Variants in HERC2 observed in about 807,000 individuals in gnomAD.
HERC2 encodes HECT and RLD domain containing E3 ubiquitin protein ligase 2, also known as E3 ubiquitin-protein ligase HERC2.
A neutral mutation model predicts 537.7 loss-of-function variants in HERC2; 102 were observed. That is an observed-to-expected ratio of 0.19 (90% CI 0.16 to 0.22). The LOEUF (loss-of-function observed/expected upper bound fraction) is 0.22, where lower values mean the gene tolerates loss of function less well. Among genes scored for constraint, HERC2 ranks in the 10% least tolerant of loss-of-function variants. The pLI, the probability that HERC2 is intolerant of heterozygous loss-of-function variation, is 1.00. For synonymous variants in HERC2, 2,224 were observed against 2,466.2 expected, an observed-to-expected ratio of 0.90 and a Z score of 2.91; for missense variants, 4,236 against 6,198.2, an observed-to-expected ratio of 0.68 and a Z score of 10.63.
intron 7 of HERC2, 26 bp downstream of exon 7, chr15:28,274,265 A>C (rs760088226): frequency 1.2e-6 from 2 of 1,612,684 alleles, no homozygotes; most frequent in Admixed American, 3.3e-5. Context: ...GTCTGCGTGC[A>C]GAAGGCAAGA....
At chr15:28,138,092 G>T (rs538372741) in intron 78 of HERC2, among the ~76,000 whole-genome samples, 1 of 152,240 alleles carries the variant, frequency 6.6e-6, no homozygotes, top group Non-Finnish European at 1.5e-5. Context: ...ACAGAGGTGA[G>T]AAGGCTGCTG....
intron 69 of HERC2, among the ~76,000 whole-genome samples, chr15:28,154,196 T>C (rs898829257): frequency 7.2e-5 from 11 of 152,234 alleles, no homozygotes; most frequent in African/African-American, 2.7e-4. Context: ...ATAAAACTCT[T>C]CTAATGCCCA....
intron 53 of HERC2, 27 bp downstream of exon 53, chr15:28,191,934 C>A: frequency 6.3e-7 from 1 of 1,594,716 alleles, no homozygotes; most frequent in East Asian, 2.2e-5. Context: ...GTGAAAGTGC[C>A]CGCTGCTGTG....
intron 30 of HERC2, among the ~76,000 whole-genome samples, chr15:28,232,284 T>C (rs761666445): frequency 6.6e-5 from 10 of 152,166 alleles, no homozygotes; most frequent in Non-Finnish European, 8.8e-5. Context: ...GGCTCACGCC[T>C]GTAATCCCAG....
chr15:28,248,830 A>G, intron 20 of HERC2, 94 bp from the exon 21 acceptor site: 1 of 968,712 alleles, frequency 1.0e-6, no homozygotes, highest in South Asian at 1.6e-5. Context: ...TAATATCACA[A>G]ACACAGATCA....
chr15:28,128,613 C>A (rs545594178), intron 83 of HERC2, among the ~76,000 whole-genome samples: 1 of 152,188 alleles, frequency 6.6e-6, no homozygotes, highest in Non-Finnish European at 1.5e-5. Flanking sequence ...AAGGCTTTAA[C>A]GAGGAGCACA....
At chr15:28,220,224 T>G (rs188291973) in intron 37 of HERC2, among the ~76,000 whole-genome samples, 78 of 151,984 alleles carry the variant, frequency 5.1e-4, no homozygotes, top group African/African-American at 1.3e-3. Flanking sequence ...CACATGAGAG[T>G]AAAATGCAGA....
In HERC2 at chr15:28,265,913, C is replaced by T. The variant is rs2075554198; in HGVS notation, c.1660G>A (p.Val554Met). The T allele has an allele frequency of 6.2e-7, 1 of 1,614,182 alleles. No homozygotes were observed. The highest frequency in any genetic ancestry group is 8.5e-7 in the Non-Finnish European group (1 of 1,180,034). Reference protein sequence around the residue: ...FSGKQAGKHVVHIACGSTYSA... With the variant: ...FSGKQAGKHVMHIACGSTYSA... Reference sequence around the variant, plus strand: ...TAAGTGCTCCCGCAAGCGATGTGCACCACGTGCTTCCCGGCCTGCTTTCCA... The same window carrying T: ...TAAGTGCTCCCGCAAGCGATGTGCATCACGTGCTTCCCGGCCTGCTTTCCA... The change falls in exon 13 of 93, where the codon GTG becomes ATG. Residue 554 changes from valine to methionine, a missense_variant. This residue lies in a region of HERC2 where 754 missense variants were observed against 1,085.0 expected (regional missense o/e 0.69). Transcript: ENST00000261609. This position sits in a 1 kb window ranked among gnomAD's most constrained non-coding sequence, Gnocchi z 4.0.
At chr15:28,258,613 T>G (rs1351082856) in intron 16 of HERC2, among the ~76,000 whole-genome samples, 1 of 147,156 alleles carries the variant, frequency 6.8e-6, no homozygotes, top group East Asian at 2.0e-4. Context: ...ATTTATAGCA[T>G]CAAATCATTA....
chr15:28,232,689 T>C (rs1488142231), intron 30 of HERC2, among the ~76,000 whole-genome samples: 6 of 152,214 alleles, frequency 3.9e-5, no homozygotes, highest in Non-Finnish European at 7.3e-5. Context: ...TTTCTGTACC[T>C]TTACACAGCT....
chr15:28,315,299 C>T (rs2077051653), intron 2 of HERC2, among the ~76,000 whole-genome samples: 1 of 152,254 alleles, frequency 6.6e-6, no homozygotes, highest in African/African-American at 2.4e-5. Flanking sequence ...CAGGCTGTGT[C>T]ACTGGCTCCT....
chr15:28,226,709 C>T (rs1300393362), intron 35 of HERC2, among the ~76,000 whole-genome samples: 2 of 152,020 alleles, frequency 1.3e-5, no homozygotes, highest in African/African-American at 2.4e-5. Context: ...TTTTTGGATA[C>T]GATATCAAAA....
intron 28 of HERC2, 33 bp from the exon 29 acceptor site, chr15:28,233,594 T>G: frequency 6.2e-7 from 1 of 1,613,854 alleles, no homozygotes; most frequent in Non-Finnish European, 8.5e-7. Context: ...AGGGCAGGGA[T>G]GAATATGTAC....
Position 28,113,160 on chromosome 15 carries a change from C to G in HERC2, c.14143G>C (p.Glu4715Gln), listed in dbSNP as rs1207109967. The G allele has an allele frequency of 1.2e-6, 2 of 1,614,136 alleles. No individual in the cohort carries two copies. Among genetic ancestry groups the G allele is most frequent in the Non-Finnish European group, 1.7e-6 (2 of 1,180,042 alleles). The change falls in exon 92 of 93, where the codon GAG becomes CAG. Residue 4715 changes from glutamate to glutamine, a missense_variant. This residue lies in a region of HERC2 where 313 missense variants were observed against 462.6 expected (regional missense o/e 0.68). Coordinates refer to ENST00000261609, the MANE Select transcript of HERC2 (RefSeq NM_004667.6). This position sits in a 1 kb window ranked among gnomAD's most constrained non-coding sequence, Gnocchi z 7.0. ...WEVMESFSNT[E>Q]RSLFLRFVWG... is the part of the protein sequence containing the mutation. ...ACGAAGCGAAGGAAAAGAGAGCGCT[C>G]TGTGTTGGAGAAGGACTCCATCACC...
chr15:28,111,618 C>T lies in HERC2; in HGVS notation c.*145G>A. 1.3e-6 allele frequency: 1 copy of T among 790,848 alleles called. No individual in the cohort carries two copies. Among genetic ancestry groups the T allele is most frequent in the Non-Finnish European group, 2.0e-6 (1 of 500,818 alleles). 49.0% of individuals were successfully genotyped at this position (790,848 alleles called of 1,614,324 possible). A position where few individuals can be genotyped will look rare whatever the true frequency, so the allele number is the denominator to read the frequency against. On this transcript the variant is annotated 3_prime_UTR_variant, in exon 93 of 93. Coordinates refer to ENST00000261609, the MANE Select transcript of HERC2 (RefSeq NM_004667.6). ...CTTCTCACTGTCATTCCCATCACGG[C>T]CAGTCAGTCTCTCCACTCCCTCCTC...
chr15:28,315,534 C>T, intron 2 of HERC2: 3 of 418,950 alleles, frequency 7.2e-6, no homozygotes, highest in South Asian at 6.1e-5. Flanking sequence ...ACGGTTCATG[C>T]TTGTACTCCC....
rs530933665 is a variant in HERC2, at chr15:28,176,264, A to G, written c.9686+164T>C. 1.3e-5 allele frequency among the ~76,000 whole-genome samples: 2 copies of G among 152,292 alleles called. No homozygotes were observed. The highest frequency in any genetic ancestry group is 2.9e-5 in the Non-Finnish European group (2 of 68,012). On this transcript the variant is annotated intron_variant, in intron 63 of 92. Coordinates refer to ENST00000261609, the MANE Select transcript of HERC2 (RefSeq NM_004667.6). This position sits in a 1 kb window ranked among gnomAD's most constrained non-coding sequence, Gnocchi z 5.0. ...ACAATGGGAAATTTCTTCTTGTACT[A>G]TTGTCACTAATCCCAACTCAATATC...
At chr15:28,143,800 G>C (rs1891467465) in intron 74 of HERC2, 73 bp downstream of exon 74, 22 of 1,587,774 alleles carry the variant, frequency 1.4e-5, no homozygotes, top group African/African-American at 5.4e-5. Context: ...CGATTTAGAG[G>C]TTTAGACTAC....
At chr15:28,237,466 G>A (rs1291874298) in intron 25 of HERC2, among the ~76,000 whole-genome samples, 1 of 152,144 alleles carries the variant, frequency 6.6e-6, no homozygotes, top group African/African-American at 2.4e-5. Context: ...AGAACCCACT[G>A]GGCAACAAAA....
Sources: gnomAD v4.1 joint callset for allele counts (sites outside exome capture counted in the v4.1 genomes callset) on GRCh38, gnomAD v4.1.1 for gene constraint, gnomAD v4.1.1 regional missense constraint, Gnocchi (gnomAD v3.1) non-coding constraint, MANE v1.5 for transcripts, NCBI Gene and HGNC (gene_info 2026-07-23, HGNC 2026-07-21) for gene names.